Variants in CEP350 observed in about 807,000 individuals in gnomAD.
The protein encoded by CEP350 is centrosome-associated protein 350.
In CEP350, 126 loss-of-function variants were observed where a neutral mutation model predicts 331.8. That is an observed-to-expected ratio of 0.38 (90% CI 0.33 to 0.44). The LOEUF is 0.44. CEP350 is among the 20% of genes least tolerant of loss of function. The pLI is 1.00. For missense variants in CEP350, 3,406 were observed against 3,634.6 expected, an observed-to-expected ratio of 0.94 and a Z score of 1.62; for synonymous variants, 1,200 against 1,259.5, an observed-to-expected ratio of 0.95 and a Z score of 1.00.
At chr1:180,075,351 C>T (rs918185940) in intron 28 of CEP350, 130 bp downstream of exon 28, 7 of 938,160 alleles carry the variant, frequency 7.5e-6, no homozygotes, top group Middle Eastern at 3.5e-4. Flanking sequence ...CTTTGGAAGG[C>T]CAAGGCCAGA....
At chr1:180,010,590 TTTTC>T (rs1210505282) in intron 8 of CEP350, among the ~76,000 whole-genome samples, 11 of 151,794 alleles carry the variant, frequency 7.2e-5, no homozygotes, top group Middle Eastern at 6.8e-3. Flanking sequence ...CCTTCCTTTC[TTTTC>T]TTTCTTTCTT....
chr1:179,969,340 G>A (rs770743920), intron 1 of CEP350: 14 of 512,578 alleles, frequency 2.7e-5, no homozygotes, highest in South Asian at 8.4e-5. Flanking sequence ...TGTCAGCTCT[G>A]GAGTTTAACA....
chr1:179,964,311 A>G (rs1195161633), intron 1 of CEP350, among the ~76,000 whole-genome samples: 12 of 152,044 alleles, frequency 7.9e-5, no homozygotes, highest in South Asian at 6.2e-4. Flanking sequence ...CCTGATTCCT[A>G]TGGGTAGGAT....
At position 180,080,608 on chromosome 1, in the gene CEP350, C is replaced by T. The variant is rs1256017830; in HGVS notation, c.6071C>T (p.Ser2024Phe). 3 of 1,613,870 alleles carry T rather than the reference C, an allele frequency of 1.9e-6. No individual in the cohort carries two copies. Among genetic ancestry groups the T allele is most frequent in the South Asian group, 2.2e-5 (2 of 91,078 alleles). The stretch of plus-strand genomic sequence containing the variant: ...GGACAATGTCACCTGCCTATCAAGT[C>T]CCATCAGCACTGTTATAGTTGGTCA... ...TGGQCHLPIK[S>F]HQHCYSWSDE... The change falls in exon 30 of 38, where the codon TCC becomes TTC. Residue 2024 changes from serine (S) to phenylalanine (F), a missense_variant. This residue lies in a region of CEP350 where 1,415 missense variants were observed against 1,512.3 expected (regional missense o/e 0.94). Transcript: ENST00000367607.
At chr1:179,975,177 G>A (rs150831429) in intron 1 of CEP350, among the ~76,000 whole-genome samples, 1 of 152,166 alleles carries the variant, frequency 6.6e-6, no homozygotes, top group East Asian at 1.9e-4. Flanking sequence ...TGGAGATAAT[G>A]AAATTTTCTG....
At chr1:180,088,360 G>C (rs542531918) in intron 32 of CEP350, among the ~76,000 whole-genome samples, 2 of 150,548 alleles carry the variant, frequency 1.3e-5, no homozygotes, top group Admixed American at 1.3e-4. Flanking sequence ...GTAAAGGTTA[G>C]ATCAGTTCAA....
intron 30 of CEP350, among the ~76,000 whole-genome samples, chr1:180,082,442 G>A (rs1286819412): frequency 6.6e-6 from 1 of 152,102 alleles, no homozygotes; most frequent in African/African-American, 2.4e-5. Context: ...AGCCTCCTGA[G>A]TAGCTGGGAC....
intron 6 of CEP350, 105 bp from the exon 7 acceptor site, chr1:180,003,069 A>G (rs1212130079): frequency 1.4e-6 from 1 of 694,106 alleles, no homozygotes; most frequent in Non-Finnish European, 2.4e-6. Context: ...ACACTAAAAG[A>G]GTGAATTTTA....
intron 25 of CEP350, among the ~76,000 whole-genome samples, chr1:180,059,501 A>C (rs1558132771): frequency 6.6e-6 from 1 of 152,176 alleles, no homozygotes; most frequent in East Asian, 1.9e-4. Flanking sequence ...TGAACTCTTG[A>C]GTACATGTCT....
chr1:180,064,251 G>T (rs982121675), intron 26 of CEP350, among the ~76,000 whole-genome samples: 37 of 152,150 alleles, frequency 2.4e-4, no homozygotes, highest in African/African-American at 8.9e-4. Flanking sequence ...TGGCCTTCTT[G>T]GGCTCTGATT....
At chr1:180,100,281 A>G (rs947470512) in intron 37 of CEP350, among the ~76,000 whole-genome samples, 2 of 152,228 alleles carry the variant, frequency 1.3e-5, no homozygotes, top group South Asian at 4.1e-4. Flanking sequence ...CTTGCCCAGT[A>G]AAATAAGAGA....
chr1:180,054,030 AG>A, intron 24 of CEP350, 96 bp downstream of exon 24: 1 of 918,742 alleles, frequency 1.1e-6, no homozygotes, highest in East Asian at 2.7e-5. Context: ...TCATTTGATT[AG>A]AGCAGCCCAG....
At chr1:180,010,998 A>G (rs1170679362) in intron 8 of CEP350, among the ~76,000 whole-genome samples, 1 of 148,764 alleles carries the variant, frequency 6.7e-6, no homozygotes, top group Non-Finnish European at 1.5e-5. Flanking sequence ...TTTTTTTTTC[A>G]TTTCTTTTTA....
intron 10 of CEP350, among the ~76,000 whole-genome samples, chr1:180,015,207 A>T (rs1291039202): frequency 2.9e-5 from 4 of 135,760 alleles, no homozygotes; most frequent in Non-Finnish European, 4.7e-5. Flanking sequence ...TGCCTAGGAA[A>T]TTGTTTATTT....
At chr1:180,071,697 C>T (rs1016774899) in intron 27 of CEP350, among the ~76,000 whole-genome samples, 13 of 151,718 alleles carry the variant, frequency 8.6e-5, no homozygotes, top group Admixed American at 1.3e-4. Context: ...GCAAGAGAGT[C>T]GCTGAACCTG....
At chr1:180,058,857 T>C (rs1432807321) in intron 25 of CEP350, among the ~76,000 whole-genome samples, 1 of 152,186 alleles carries the variant, frequency 6.6e-6, no homozygotes, top group East Asian at 1.9e-4. Context: ...AAGAATTCTT[T>C]TGACTGATAG....
chr1:179,990,633 G>A lies in CEP350; in HGVS notation c.235+12G>A, dbSNP rs777459010. The A allele has an allele frequency of 7.8e-6, 11 of 1,401,858 alleles. No individual in the cohort carries two copies. The East Asian group carries it at 2.7e-4, about 34-fold the overall frequency. 86.8% of individuals were successfully genotyped at this position (1,401,858 alleles called of 1,614,324 possible). A position where few individuals can be genotyped will look rare whatever the true frequency, so the allele number is the denominator to read the frequency against. On this transcript the variant is annotated intron_variant, in intron 4 of 37. Coordinates refer to ENST00000367607, the MANE Select transcript of CEP350 (RefSeq NM_014810.5). The stretch of plus-strand genomic sequence containing the variant: ...AATAAGTAGAAAAGGTATGTATGAA[G>A]TTACTTCCAAATATATACATATATT...
intron 25 of CEP350, among the ~76,000 whole-genome samples, chr1:180,056,619 G>A (rs1209763880): frequency 1.3e-5 from 2 of 151,778 alleles, no homozygotes; most frequent in Non-Finnish European, 2.9e-5. Context: ...ACAGGTGTGC[G>A]CCACCAGTGC....
At chr1:180,024,292 A>T (rs1268946284) in intron 13 of CEP350, 127 bp from the exon 14 acceptor site, 1 of 753,816 alleles carries the variant, frequency 1.3e-6, no homozygotes, top group Admixed American at 3.6e-5. Flanking sequence ...AAAAAATAAT[A>T]AAGTGTTAAG....
Sources: gnomAD v4.1 joint callset for allele counts (sites outside exome capture counted in the v4.1 genomes callset) on GRCh38, gnomAD v4.1.1 for gene constraint, gnomAD v4.1.1 regional missense constraint, MANE v1.5 for transcripts, NCBI Gene and HGNC (gene_info 2026-07-23, HGNC 2026-07-21) for gene names.